THSD7A: variants seen among roughly 807,000 people sequenced by gnomAD.
The protein encoded by THSD7A is thrombospondin type-1 domain-containing protein 7A.
THSD7A carries 96 observed loss-of-function variants against 231.3 expected under a neutral mutation model. That is an observed-to-expected ratio of 0.41 (90% CI 0.35 to 0.49). The LOEUF (loss-of-function observed/expected upper bound fraction) is 0.49. Ranked by LOEUF, THSD7A falls within the 20% of genes least tolerant of loss-of-function variation. THSD7A has a pLI of 0.05. For synonymous variants in THSD7A, 940 were observed against 743.3 expected (o/e 1.26, Z -4.30); for missense variants, 2,290 against 2,070.2 (o/e 1.11, Z -2.06).
Position 11,407,347 on chromosome 7 carries a change from C to A in THSD7A, c.3875G>T (p.Trp1292Leu). ...TTGAGAACATTCTGACCAAGGAGAC[C>A]AATCAGAAAGCTGACAGTTCACAGG... is the stretch of plus-strand genomic sequence containing the variant. ...ECPVNCQLSD[W>L]SPWSECSQTC... Residue 1292 changes from tryptophan (W) to leucine (L), a missense_variant, in exon 20 of 28, where the codon TGG (tryptophan) becomes TTG (leucine). Trp to Leu is a moderately conservative substitution (Grantham distance 61, BLOSUM62 -2). Transcript: ENST00000423059. 1 of 1,613,596 alleles carries A rather than the reference C, an allele frequency of 6.2e-7. No homozygotes were observed. Among genetic ancestry groups the A allele is most frequent in the Non-Finnish European group, 8.5e-7 (1 of 1,179,790 alleles).
At chr7:11,712,621 C>T (rs1047729609) in intron 1 of THSD7A, among the ~76,000 whole-genome samples, 1 of 150,758 alleles carries the variant, frequency 6.6e-6, no homozygotes, top group African/African-American at 2.4e-5. Flanking sequence ...CTTAGGTATG[C>T]TTGACCCAAA....
intron 4 of THSD7A, among the ~76,000 whole-genome samples, chr7:11,549,473 G>A (rs748711043): frequency 4.2e-4 from 64 of 152,210 alleles, no homozygotes; most frequent in Admixed American, 8.5e-4. Flanking sequence ...AAAGATATAT[G>A]CATGCTCATG....
intron 4 of THSD7A, among the ~76,000 whole-genome samples, chr7:11,582,863 C>G (rs575415360): frequency 6.6e-6 from 1 of 151,948 alleles, no homozygotes; most frequent in African/African-American, 2.4e-5. Flanking sequence ...CTACATTGTC[C>G]CTAGTGTGGG....
chr7:11,724,397 C>T (rs1341177671), intron 1 of THSD7A, among the ~76,000 whole-genome samples: 4 of 151,854 alleles, frequency 2.6e-5, no homozygotes, highest in Non-Finnish European at 5.9e-5. Context: ...CTAAGTAATT[C>T]CCCTTTGTTC....
intron 1 of THSD7A, among the ~76,000 whole-genome samples, chr7:11,798,915 T>C (rs1583300238): frequency 6.8e-6 from 1 of 146,728 alleles, no homozygotes; most frequent in Non-Finnish European, 1.5e-5. Context: ...AAGTTGAGAA[T>C]TTAGTTGAAC....
At chr7:11,449,192 C>T (rs1285696753) in intron 11 of THSD7A, among the ~76,000 whole-genome samples, 1 of 151,938 alleles carries the variant, frequency 6.6e-6, no homozygotes, top group Non-Finnish European at 1.5e-5. Context: ...ACTTTTTAAG[C>T]TTTCTGATGA....
chr7:11,732,058 C>T (rs1348403707), intron 1 of THSD7A, among the ~76,000 whole-genome samples: 1 of 151,534 alleles, frequency 6.6e-6, no homozygotes, highest in African/African-American at 2.4e-5. Flanking sequence ...CTACTTATTA[C>T]TTAAGGATTT....
chr7:11,689,028 G>C (rs1231426782), intron 1 of THSD7A, among the ~76,000 whole-genome samples: 5 of 151,776 alleles, frequency 3.3e-5, no homozygotes, highest in African/African-American at 1.2e-4. Flanking sequence ...AAAAACATTT[G>C]CAAGTTTTCC....
chr7:11,603,990 G>C (rs1780648887), intron 2 of THSD7A, among the ~76,000 whole-genome samples: 1 of 150,804 alleles, frequency 6.6e-6, no homozygotes, highest in Non-Finnish European at 1.5e-5. Flanking sequence ...TAACTAATCT[G>C]CACAATGTGC....
At chr7:11,596,111 C>T (rs188221022) in intron 2 of THSD7A, among the ~76,000 whole-genome samples, 1 of 152,204 alleles carries the variant, frequency 6.6e-6, no homozygotes, top group Non-Finnish European at 1.5e-5. Flanking sequence ...AGACCCAGAA[C>T]CTCTTGAATG....
chr7:11,747,471 A>G (rs1329888670), intron 1 of THSD7A, among the ~76,000 whole-genome samples: 3 of 151,998 alleles, frequency 2.0e-5, no homozygotes, highest in Non-Finnish European at 4.4e-5. Context: ...GGTACTAATT[A>G]TACTTGTTAT....
Position 11,636,556 on chromosome 7 carries a change from T to C in THSD7A, c.596A>G (p.Glu199Gly), listed in dbSNP as rs773782288. 1.2e-6 allele frequency: 2 copies of C among 1,613,936 alleles called. No homozygotes were observed. Among genetic ancestry groups the C allele is most frequent in the South Asian group, 2.2e-5 (2 of 91,076 alleles). The change falls in exon 2 of 28, where the codon GAA becomes GGA. Residue 199 changes from glutamate to glycine, a missense_variant. Glu to Gly is a moderately conservative substitution (Grantham distance 98). Transcript: ENST00000423059. The surrounding 1 kb of genome is among the most constrained non-coding windows in gnomAD (Gnocchi z 10.0). ...IPCQQDCIVS[E>G]FSAWSECSKT... ...GGAGCATTCGGACCAGGCAGAAAAT[T>C]CAGACACGATGCAATCTTGCTGGCA... is the stretch of plus-strand genomic sequence containing the variant.
At chr7:11,477,521 G>C (rs910743839) in intron 7 of THSD7A, among the ~76,000 whole-genome samples, 10 of 152,114 alleles carry the variant, frequency 6.6e-5, no homozygotes, top group Non-Finnish European at 1.0e-4. Context: ...CTTTTAATGA[G>C]ATTGAATTTA....
At chr7:11,426,747 G>T (rs1784333244) in intron 14 of THSD7A, 76 bp from the exon 15 acceptor site, 1 of 1,425,482 alleles carries the variant, frequency 7.0e-7, no homozygotes, top group South Asian at 1.3e-5. Flanking sequence ...GCTATGAGAA[G>T]AACACATGGT....
At chr7:11,557,413 A>C (rs1479647685) in intron 4 of THSD7A, among the ~76,000 whole-genome samples, 1 of 151,952 alleles carries the variant, frequency 6.6e-6, no homozygotes, top group Admixed American at 6.6e-5. Flanking sequence ...GCTTCCTTAT[A>C]TCTTGTTGGA....
rs531041292 is a variant in THSD7A, at chr7:11,745,529, T to A, written c.190+86228A>T. Among the ~76,000 whole-genome samples the A allele has an allele frequency of 3.9e-5, 6 of 152,242 alleles. No individual in the cohort carries two copies. In the South Asian group the frequency reaches 1.2e-3, roughly 32 times the overall value. On this transcript the variant is annotated intron_variant, in intron 1 of 27. Transcript: ENST00000423059. ...AATGAAGTCCTTGCCCATGCCTATTTCCTGAATGGTATTGCCTAGGTTTTC... is the reference window on the plus strand; with the variant it reads ...AATGAAGTCCTTGCCCATGCCTATTACCTGAATGGTATTGCCTAGGTTTTC...
chr7:11,462,044 G>T lies in THSD7A; in HGVS notation c.2468C>A (p.Ala823Asp). 1 of 1,613,728 alleles carries T rather than the reference G, an allele frequency of 6.2e-7. No individual in the cohort carries two copies. Among genetic ancestry groups the T allele is most frequent in the Non-Finnish European group, 8.5e-7 (1 of 1,179,714 alleles). The change falls in exon 10 of 28, where the codon GCC becomes GAC. Residue 823 changes from alanine (A) to aspartate (D), a missense_variant. Transcript: ENST00000423059. ...TTGGCACGCTTGAGGTGCCTCACAGGCCTTCTCTTCATAGAGGGGATCTGT... is the reference window on the plus strand; with the variant it reads ...TTGGCACGCTTGAGGTGCCTCACAGTCCTTCTCTTCATAGAGGGGATCTGT... ...DCTDPLYEEK[A>D]CEAPQACQSY...
intron 1 of THSD7A, among the ~76,000 whole-genome samples, chr7:11,828,137 T>C (rs1203238411): frequency 6.6e-6 from 1 of 152,222 alleles, no homozygotes; most frequent in Non-Finnish European, 1.5e-5. Context: ...ATCACTCTTC[T>C]GCTCAAAGTT....
At chr7:11,445,865 T>C (rs755842560) in intron 13 of THSD7A, among the ~76,000 whole-genome samples, 196 bp downstream of exon 13, 1 of 152,030 alleles carries the variant, frequency 6.6e-6, no homozygotes, top group Non-Finnish European at 1.5e-5. Flanking sequence ...GGACTTAAGT[T>C]GCCAACTTCT....
Sources: allele counts gnomAD v4.1 joint callset (sites outside exome capture counted in the v4.1 genomes callset), GRCh38; gene constraint gnomAD v4.1.1; non-coding constraint Gnocchi (gnomAD v3.1); transcripts MANE v1.5; gene names NCBI Gene and HGNC (gene_info 2026-07-23, HGNC 2026-07-21).